The following BICC1 variants were observed in gnomAD, a reference collection of about 807,000 sequenced individuals.
BICC1 encodes BicC family RNA binding protein 1, also known as protein bicaudal C homolog 1.
BICC1 carries 43 observed loss-of-function variants against 111.0 expected under a neutral mutation model. The ratio of observed to expected loss-of-function variants is 0.39; its 90% CI spans 0.30 to 0.50. The LOEUF is 0.50. BICC1 is among the 20% of genes least tolerant of loss of function. BICC1 has a pLI of 0.88. For missense variants in BICC1, 1,091 were observed against 1,203.2 expected (o/e 0.91, Z 1.38); for synonymous variants, 467 against 434.4 (o/e 1.07, Z -0.93).
intron 20 of BICC1, among the ~76,000 whole-genome samples, chr10:58,822,100 A>G (rs1433397121): frequency 6.6e-6 from 1 of 152,130 alleles, no homozygotes; most frequent in Non-Finnish European, 1.5e-5. Flanking sequence ...TATTTTATTA[A>G]TTTGCAAATG....
intron 3 of BICC1, among the ~76,000 whole-genome samples, chr10:58,757,819 C>T (rs1842187633): frequency 6.6e-6 from 1 of 152,176 alleles, no homozygotes; most frequent in African/African-American, 2.4e-5. Flanking sequence ...CCTGTGGCTG[C>T]CAACTCAGAT....
At chr10:58,541,447 A>G (rs765909588) in intron 1 of BICC1, among the ~76,000 whole-genome samples, 1 of 152,148 alleles carries the variant, frequency 6.6e-6, no homozygotes, top group Non-Finnish European at 1.5e-5. Flanking sequence ...AAACAATCAC[A>G]TTTACAGTAG....
intron 3 of BICC1, chr10:58,715,768 A>G: frequency 1.4e-6 from 2 of 1,467,712 alleles, no homozygotes; most frequent in Middle Eastern, 1.8e-4. Flanking sequence ...TGGAAGAAAG[A>G]ACTGGAAAAA....
intron 10 of BICC1, among the ~76,000 whole-genome samples, chr10:58,797,487 C>A (rs1843393892): frequency 6.6e-6 from 1 of 152,036 alleles, no homozygotes; most frequent in Non-Finnish European, 1.5e-5. Context: ...TGTATCTTGG[C>A]CCCTAATCTA....
intron 3 of BICC1, among the ~76,000 whole-genome samples, chr10:58,715,174 T>A (rs1438602807): frequency 6.6e-6 from 1 of 152,226 alleles, no homozygotes; most frequent in Non-Finnish European, 1.5e-5. Flanking sequence ...TGGTTTATTA[T>A]TACATTTGTA....
At chr10:58,678,505 G>C (rs781211112) in intron 2 of BICC1, among the ~76,000 whole-genome samples, 1 of 152,108 alleles carries the variant, frequency 6.6e-6, no homozygotes, top group Non-Finnish European at 1.5e-5. Context: ...AAATATATAT[G>C]CACCCAATAC....
At chr10:58,820,549 A>G in intron 20 of BICC1, 81 bp downstream of exon 20, 7 of 1,008,422 alleles carry the variant, frequency 6.9e-6, no homozygotes, top group South Asian at 1.3e-5. Flanking sequence ...GTTTCTACCC[A>G]TTAACTGCTG....
intron 1 of BICC1, among the ~76,000 whole-genome samples, chr10:58,545,666 C>G (rs1466320550): frequency 6.6e-6 from 1 of 152,120 alleles, no homozygotes; most frequent in East Asian, 1.9e-4. Flanking sequence ...ATTGCCCCAA[C>G]GTGTAAGTGC....
At chr10:58,693,184 G>A (rs1161677763) in intron 2 of BICC1, among the ~76,000 whole-genome samples, 133 of 151,798 alleles carry the variant, frequency 8.8e-4, no homozygotes, top group Middle Eastern at 3.4e-3. Flanking sequence ...TACAAAGGAC[G>A]TGAACTCATC....
chr10:58,764,335 G>GA lies in BICC1; in HGVS notation c.308-20663dup, dbSNP rs1842399321. 2.0e-5 allele frequency among the ~76,000 whole-genome samples: 3 copies of GA among 152,166 alleles called. No individual in the cohort carries two copies. In the South Asian group the frequency reaches 6.2e-4, roughly 32 times the overall value. Reference sequence around the variant, plus strand: ...GACCCTAGACTGAGCCATAGAAGTGGAAACAAATCTGATTTATATGACTGT... The same window carrying GA: ...GACCCTAGACTGAGCCATAGAAGTGGAAAACAAATCTGATTTATATGACTGT... On this transcript the variant is annotated intron_variant, in intron 3 of 20. Coordinates refer to ENST00000373886, the MANE Select transcript of BICC1 (RefSeq NM_001080512.3).
At chr10:58,729,476 T>C (rs1841218590) in intron 3 of BICC1, among the ~76,000 whole-genome samples, 1 of 152,236 alleles carries the variant, frequency 6.6e-6, no homozygotes, top group Admixed American at 6.5e-5. Flanking sequence ...TGTTGTGGCT[T>C]CTTACATTTT....
chr10:58,801,078 T>A lies in BICC1; in HGVS notation c.2015+32T>A, dbSNP rs753820940. Reference sequence around the variant, plus strand: ...ATTTTAATCTTTAAAGAGCCCTTGATATTTTGAAATGATATATATTTGTTC... The same window carrying A: ...ATTTTAATCTTTAAAGAGCCCTTGAAATTTTGAAATGATATATATTTGTTC... On this transcript the variant is annotated intron_variant, in intron 14 of 20. Coordinates refer to ENST00000373886, the MANE Select transcript of BICC1 (RefSeq NM_001080512.3). 2.6e-6 allele frequency: 4 copies of A among 1,529,818 alleles called. No homozygotes were observed. In the South Asian group the frequency reaches 5.1e-5, roughly 20 times the overall value. 94.8% of individuals were successfully genotyped at this position (1,529,818 alleles called of 1,614,324 possible).
At chr10:58,804,144 T>C (rs1469078398) in intron 15 of BICC1, among the ~76,000 whole-genome samples, 1 of 152,226 alleles carries the variant, frequency 6.6e-6, no homozygotes, top group Non-Finnish European at 1.5e-5. Flanking sequence ...TCCTTTGCAT[T>C]GGAACATTTT....
intron 3 of BICC1, among the ~76,000 whole-genome samples, chr10:58,726,540 G>A (rs561787367): frequency 1.3e-5 from 2 of 152,234 alleles, no homozygotes; most frequent in South Asian, 2.1e-4. Flanking sequence ...TGGCACTGCC[G>A]TTGTATACTC....
At chr10:58,770,242 G>C (rs1842587195) in intron 3 of BICC1, among the ~76,000 whole-genome samples, 1 of 151,946 alleles carries the variant, frequency 6.6e-6, no homozygotes, top group Non-Finnish European at 1.5e-5. Context: ...TGATTTTTCA[G>C]GTTTTAGAAT....
chr10:58,730,171 T>A (rs1192441073), intron 3 of BICC1, among the ~76,000 whole-genome samples: 4 of 152,192 alleles, frequency 2.6e-5, no homozygotes, highest in Non-Finnish European at 4.4e-5. Context: ...GGTAAAATAC[T>A]CCAGTTCCAA....
chr10:58,675,454 C>A (rs971771496), intron 2 of BICC1, among the ~76,000 whole-genome samples: 10 of 152,150 alleles, frequency 6.6e-5, no homozygotes, highest in African/African-American at 2.4e-4. Flanking sequence ...AGAAGGAAAT[C>A]CTGCAATTTG....
In BICC1 at chr10:58,796,514, C is replaced by A. The variant is rs762997869; in HGVS notation, c.1354C>A (p.Leu452Ile). Residue 452 changes from leucine (L) to isoleucine (I), a missense_variant, in exon 10 of 21, where the codon CTC (leucine) becomes ATC (isoleucine). This residue lies in a region of BICC1 where 843 missense variants were observed against 900.8 expected (regional missense o/e 0.94). Coordinates refer to ENST00000373886, the MANE Select transcript of BICC1 (RefSeq NM_001080512.3). ...TATCTTAGCTTCAGCAGGCCTTGGA[C>A]TCACTGGACTAGGTATACAATTTAT... ...LDILASAGLG[L>I]TGLGLLGPTT... The A allele has an allele frequency of 6.8e-6, 11 of 1,613,332 alleles. No homozygotes were observed. The South Asian group carries it at 9.9e-5, about 15-fold the overall frequency.
At chr10:58,719,530 G>A (rs113316636) in intron 3 of BICC1, among the ~76,000 whole-genome samples, 92 of 151,606 alleles carry the variant, frequency 6.1e-4, no homozygotes, top group African/African-American at 1.8e-3. Flanking sequence ...TTTTTGAGAC[G>A]GAGTCTCGCT....
Sources: allele counts gnomAD v4.1 joint callset (sites outside exome capture counted in the v4.1 genomes callset), GRCh38; gene constraint gnomAD v4.1.1; regional missense constraint gnomAD v4.1.1; transcripts MANE v1.5; gene names NCBI Gene and HGNC (gene_info 2026-07-23, HGNC 2026-07-21).